CRISP1: variants seen among roughly 807,000 people sequenced by gnomAD.
CRISP1 encodes the protein cysteine rich secretory protein 1, also known as cysteine-rich secretory protein 1.
A neutral mutation model predicts 33.1 loss-of-function variants in CRISP1; 44 were observed. The observed-to-expected ratio is 1.33, with a 90% CI of 1.05 to 1.71. The LOEUF is 1.71. Ranked by LOEUF, CRISP1 falls within the 40% of genes most tolerant of loss-of-function variation. The probability of loss-of-function intolerance (pLI) is 0.00; values close to 1 mark genes in which losing one functional copy is unlikely to be tolerated. For missense variants in CRISP1, 390 were observed against 301.2 expected (o/e 1.29, Z -2.18); for synonymous variants, 103 against 98.7 (o/e 1.04, Z -0.26).
rs1420993828 is a variant in CRISP1 at position 49,834,638 on chromosome 6, G to A, written c.*678C>T. The A allele has an allele frequency of 2.0e-5, 3 of 151,792 alleles. No individual in the cohort carries two copies. Among genetic ancestry groups the A allele is most frequent in the African/African-American group, 7.3e-5 (3 of 41,292 alleles). The allele number at this position is 151,792 out of a possible 1,614,324, so 9.4% of individuals were successfully genotyped here. A position where few individuals can be genotyped will look rare whatever the true frequency, so the allele number is the denominator to read the frequency against. ...TGCTATTTTATATATCTTTTATACT[G>A]CCTTTGCAATGAAATGAAACTATAT... On this transcript the variant is annotated 3_prime_UTR_variant, in exon 8 of 8. Transcript: ENST00000335847.
At chr6:49,849,183 C>G (rs947089537) in intron 3 of CRISP1, among the ~76,000 whole-genome samples, 3 of 152,150 alleles carry the variant, frequency 2.0e-5, no homozygotes, top group Non-Finnish European at 2.9e-5. Flanking sequence ...ATCTCCCTAA[C>G]AGTCTCCTAT....
upstream of CRISP1, among the ~76,000 whole-genome samples, chr6:49,870,078 C>T (rs1771887252): frequency 1.3e-5 from 2 of 152,276 alleles, no homozygotes; most frequent in South Asian, 4.1e-4. Flanking sequence ...GTACATTACC[C>T]AGTCTAAGGT....
chr6:49,840,855 T>G, intron 6 of CRISP1, 43 bp downstream of exon 6: 7 of 1,449,904 alleles, frequency 4.8e-6, no homozygotes, highest in Non-Finnish European at 6.7e-6. Context: ...CTAGATTAGG[T>G]TACTTTAGGG....
chr6:49,864,048 A>T (rs1771729626), intron 1 of CRISP1, among the ~76,000 whole-genome samples: 1 of 152,122 alleles, frequency 6.6e-6, no homozygotes, highest in Non-Finnish European at 1.5e-5. Context: ...GGTCACTTGC[A>T]CCCCTTTCAG....
At chr6:49,846,159 T>A (rs949208697) in intron 5 of CRISP1, among the ~76,000 whole-genome samples, 1 of 152,204 alleles carries the variant, frequency 6.6e-6, no homozygotes, top group Non-Finnish European at 1.5e-5. Flanking sequence ...GGTAATTTTT[T>A]AAATGTATAT....
intron 3 of CRISP1, among the ~76,000 whole-genome samples, chr6:49,851,461 C>T (rs962667331): frequency 6.6e-6 from 1 of 152,126 alleles, no homozygotes; most frequent in East Asian, 1.9e-4. Context: ...TGCAATGAAA[C>T]TGGGGGATAA....
intron 2 of CRISP1, 68 bp downstream of exon 2, chr6:49,857,267 A>G (rs1322177532): frequency 2.0e-6 from 3 of 1,479,086 alleles, no homozygotes; most frequent in African/African-American, 2.8e-5. Flanking sequence ...AACATGGTGA[A>G]TTGTATTAAA....
intron 1 of CRISP1, among the ~76,000 whole-genome samples, chr6:49,875,719 G>T (rs1772021222): frequency 6.6e-6 from 1 of 152,132 alleles, no homozygotes; most frequent in Admixed American, 6.6e-5. Flanking sequence ...CAGTGGAACA[G>T]AATAGAGAAC....
chr6:49,846,456 G>C lies in CRISP1; in HGVS notation c.435+64C>G, dbSNP rs12198253. On this transcript the variant is annotated intron_variant, in intron 5 of 7. Transcript: ENST00000335847. ...TAGAATGATTTTCAGTTGTTTCTTA[G>C]TTACGTTTCCACACACATGCTTATC... The C allele has an allele frequency of 0.13, 194,156 of 1,499,156 alleles. 14,493 individuals are homozygous for C. Among genetic ancestry groups the C allele is most frequent in the Non-Finnish European group, 0.15 (167,498 of 1,103,258 alleles). 92.9% of individuals were successfully genotyped at this position (1,499,156 alleles called of 1,614,324 possible).
chr6:49,858,226 C>G (rs941870340), intron 1 of CRISP1, among the ~76,000 whole-genome samples: 1 of 152,132 alleles, frequency 6.6e-6, no homozygotes, highest in Non-Finnish European at 1.5e-5. Flanking sequence ...CAAATCAGAG[C>G]TAATGTACCT....
chr6:49,843,926 G>A (rs1370153906), intron 5 of CRISP1, among the ~76,000 whole-genome samples: 3 of 152,174 alleles, frequency 2.0e-5, no homozygotes, highest in African/African-American at 7.2e-5. Flanking sequence ...TTGTCTTCTA[G>A]TGTTTTGTGG....
At chr6:49,836,604 G>T (rs1770804537) in intron 7 of CRISP1, among the ~76,000 whole-genome samples, 1 of 151,998 alleles carries the variant, frequency 6.6e-6, no homozygotes, top group Non-Finnish European at 1.5e-5. Flanking sequence ...CTCCCAAAGT[G>T]CTGGGATTAC....
At chr6:49,866,276 A>G (rs975257774) in intron 1 of CRISP1, among the ~76,000 whole-genome samples, 153 bp downstream of exon 1, 2 of 152,216 alleles carry the variant, frequency 1.3e-5, no homozygotes, top group Admixed American at 6.5e-5. Context: ...TATTAAAAGC[A>G]TGGAGATAAC....
chr6:49,875,286 C>T (rs1385700103), intron 1 of CRISP1, among the ~76,000 whole-genome samples: 1 of 151,624 alleles, frequency 6.6e-6, no homozygotes, highest in South Asian at 2.1e-4. Context: ...AAGCAGAGGG[C>T]CAAATCATGA....
chr6:49,848,520 C>T (rs1771256094), intron 3 of CRISP1, among the ~76,000 whole-genome samples: 1 of 152,128 alleles, frequency 6.6e-6, no homozygotes, highest in Non-Finnish European at 1.5e-5. Flanking sequence ...TTGGTAATTA[C>T]ATTCAGAGAT....
Position 49,856,480 on chromosome 6 carries a change from T to C in CRISP1, c.66+855A>G, listed in dbSNP as rs545564116. On this transcript the variant is annotated intron_variant, in intron 2 of 7. Coordinates refer to ENST00000335847, the MANE Select transcript of CRISP1 (RefSeq NM_001131.3). ...AGCTTACTGGAGGATTACTGGGCAT[T>C]AAACAGGAGCTCCACCTAGTCTCTC... 7.4e-4 allele frequency among the ~76,000 whole-genome samples: 112 copies of C among 152,236 alleles called. 1 individual carries two copies. Among genetic ancestry groups the C allele is most frequent in the African/African-American group, 2.6e-3 (106 of 41,558 alleles).
intron 7 of CRISP1, among the ~76,000 whole-genome samples, chr6:49,836,367 G>A (rs938261708): frequency 6.8e-6 from 1 of 147,334 alleles, no homozygotes; most frequent in Non-Finnish European, 1.5e-5. Flanking sequence ...ACGGAGTCTC[G>A]CTCTGTGGCC....
chr6:49,839,659 A>G (rs529158458), intron 6 of CRISP1, among the ~76,000 whole-genome samples: 25 of 152,332 alleles, frequency 1.6e-4, no homozygotes, highest in Non-Finnish European at 2.9e-4. Context: ...ATTTAATGAG[A>G]GACTTGGACT....
intron 5 of CRISP1, among the ~76,000 whole-genome samples, chr6:49,843,855 A>T (rs1578371): frequency 1 from 151,649 of 152,292 alleles, 75,510 homozygotes; most frequent in Middle Eastern, 1. Flanking sequence ...AGGGACATGT[A>T]CTTGGAAATT....
Sources: gnomAD v4.1 joint callset for allele counts (sites outside exome capture counted in the v4.1 genomes callset) on GRCh38, gnomAD v4.1.1 for gene constraint, MANE v1.5 for transcripts, NCBI Gene and HGNC (gene_info 2026-07-23, HGNC 2026-07-21) for gene names.